SLC25A36: variants seen among roughly 807,000 people sequenced by gnomAD.
The protein encoded by SLC25A36 is solute carrier family 25 member 36, also known as epididymis secretory sperm binding protein.
In SLC25A36, 24 loss-of-function variants were observed where a neutral mutation model predicts 35.3. The observed-to-expected ratio is 0.68, with a 90% CI of 0.49 to 0.96. The LOEUF is 0.96. Among genes scored for constraint, SLC25A36 ranks in the 40% least tolerant of loss-of-function variants. The probability of loss-of-function intolerance (pLI) is 0.00; values close to 1 mark genes in which losing one functional copy is unlikely to be tolerated. For missense variants in SLC25A36, 294 were observed against 381.1 expected, an observed-to-expected ratio of 0.77 and a Z score of 1.90; for synonymous variants, 141 against 132.2, an observed-to-expected ratio of 1.07 and a Z score of -0.46.
intron 4 of SLC25A36, chr3:140,966,173 A>G (rs188448964): frequency 6.5e-6 from 1 of 153,552 alleles, no homozygotes; most frequent in East Asian, 1.9e-4. Context: ...TATTAGACTT[A>G]AATTTCATTA....
At chr3:140,946,942 T>G (rs1471045218) in intron 1 of SLC25A36, among the ~76,000 whole-genome samples, 22 of 151,004 alleles carry the variant, frequency 1.5e-4, no homozygotes, top group Non-Finnish European at 1.5e-5. Context: ...ACTAAGGGAG[T>G]GAATATAGAG....
intron 2 of SLC25A36, among the ~76,000 whole-genome samples, chr3:140,958,479 G>A (rs1289004013): frequency 3.3e-5 from 5 of 152,040 alleles, no homozygotes; most frequent in Non-Finnish European, 5.9e-5. Context: ...CCAATGTCAG[G>A]GGCCTCGCCT....
intron 1 of SLC25A36, among the ~76,000 whole-genome samples, chr3:140,950,918 C>CTGTGTGTCTGTGTGTGTG (rs1553726051): frequency 2.9e-5 from 4 of 136,376 alleles, no homozygotes; most frequent in African/African-American, 1.1e-4. Flanking sequence ...GTCTGTGTGT[C>CTGTGTGTCTGTGTGTGTG]TGTGTGTGTG....
At chr3:140,952,006 CCTTT>C (rs771919762) in intron 1 of SLC25A36, among the ~76,000 whole-genome samples, 1 of 148,884 alleles carries the variant, frequency 6.7e-6, no homozygotes, top group South Asian at 2.1e-4. Context: ...GCTGTTTTTT[CCTTT>C]CTTTCTCTCT....
intron 6 of SLC25A36, among the ~76,000 whole-genome samples, chr3:140,975,476 C>T (rs986263882): frequency 6.6e-6 from 1 of 152,044 alleles, no homozygotes; most frequent in Non-Finnish European, 1.5e-5. Context: ...TAAATAGTTA[C>T]AATTGCTGTG....
At chr3:140,970,799 A>G (rs2107812475) in intron 4 of SLC25A36, 128 bp from the exon 5 acceptor site, 1 of 533,608 alleles carries the variant, frequency 1.9e-6, no homozygotes. Context: ...AAAGTGTAAT[A>G]TATACATAAA....
chr3:140,967,867 TGGATCCCTCATGTC>T (rs1934802972), intron 4 of SLC25A36: 1 of 464,798 alleles, frequency 2.2e-6, no homozygotes. Flanking sequence ...AACTTACAAA[TGGATCCCTCATGTC>T]GTCTTAAGTT....
intron 2 of SLC25A36, among the ~76,000 whole-genome samples, chr3:140,957,254 G>C (rs777294535): frequency 3.3e-5 from 5 of 152,154 alleles, no homozygotes; most frequent in Non-Finnish European, 7.4e-5. Context: ...GTTTATACTT[G>C]TAAATAATGG....
intron 6 of SLC25A36, among the ~76,000 whole-genome samples, chr3:140,974,324 C>G (rs1934981622): frequency 6.6e-6 from 1 of 151,970 alleles, no homozygotes; most frequent in South Asian, 2.1e-4. Flanking sequence ...AGATAGTTTA[C>G]ATACATTACT....
intron 1 of SLC25A36, among the ~76,000 whole-genome samples, chr3:140,953,583 ACAG>A (rs1934388824): frequency 6.6e-6 from 1 of 152,202 alleles, no homozygotes; most frequent in African/African-American, 2.4e-5. Flanking sequence ...TCGTTTACAT[ACAG>A]TAAAATCTAC....
rs762396473 is a variant in SLC25A36, at chr3:140,956,511, T to C, written c.42-16T>C. ...TTAAGTAGATAAGCTGTGTTCTTTT[T>C]TTTTTTTTTTTTTAGATGTGGTGGT... On this transcript the variant is annotated splice_polypyrimidine_tract_variant and intron_variant, in intron 1 of 6. Coordinates refer to ENST00000324194, the MANE Select transcript of SLC25A36 (RefSeq NM_001104647.3). 18 of 1,423,352 alleles carry C rather than the reference T, an allele frequency of 1.3e-5. No homozygotes were observed. Among genetic ancestry groups the C allele is most frequent in the Non-Finnish European group, 1.5e-5 (16 of 1,073,778 alleles). The allele number at this position is 1,423,352 out of a possible 1,614,324, so 88.2% of individuals were successfully genotyped here.
intron 1 of SLC25A36, among the ~76,000 whole-genome samples, chr3:140,950,343 A>G (rs1934286453): frequency 6.8e-6 from 1 of 147,594 alleles, no homozygotes; most frequent in African/African-American, 2.5e-5. Context: ...ATTTGTTTTC[A>G]TATGGTCAGC....
At position 140,977,065 on chromosome 3, in the gene SLC25A36, A is replaced by G. The variant is rs1182017277; in HGVS notation, c.*612A>G. 1 of 152,184 alleles carries G rather than the reference A, an allele frequency of 6.6e-6. No homozygotes were observed. The highest frequency in any genetic ancestry group is 1.9e-4 in the East Asian group (1 of 5,200). The allele number at this position is 152,184 out of a possible 1,614,324, so 9.4% of individuals were successfully genotyped here. ...TGACAGGTGCTTGTTGTTTAGCCTA[A>G]TGTGGATATTTAAATTGTTAACATA... On this transcript the variant is annotated 3_prime_UTR_variant, in exon 7 of 7. Transcript: ENST00000324194.
In SLC25A36 at chr3:140,976,719, TC is replaced by T. The variant is rs1054386758; in HGVS notation, c.*271del. 8 of 284,922 alleles carry T rather than the reference TC, an allele frequency of 2.8e-5. No individual in the cohort carries two copies. The highest frequency in any genetic ancestry group is 4.6e-5 in the Non-Finnish European group (7 of 153,058). 17.6% of individuals were successfully genotyped at this position (284,922 alleles called of 1,614,324 possible). On this transcript the variant is annotated 3_prime_UTR_variant, in exon 7 of 7. Coordinates refer to ENST00000324194, the MANE Select transcript of SLC25A36 (RefSeq NM_001104647.3). ...CAAAATTGCCATTTTCTCTACCATG[TC>T]CCCCAGACACAGTTGGGTTTTGTTG...
At chr3:140,954,544 G>T (rs777776918) in intron 1 of SLC25A36, among the ~76,000 whole-genome samples, 3 of 152,214 alleles carry the variant, frequency 2.0e-5, no homozygotes, top group East Asian at 1.9e-4. Flanking sequence ...TTGGCTGTTT[G>T]TTGGTCAGTC....
rs947832621 is a variant in SLC25A36 at position 140,980,435 on chromosome 3, G to A, written c.*3982G>A. Among the ~76,000 whole-genome samples the A allele has an allele frequency of 1.3e-5, 2 of 151,512 alleles. No individual in the cohort carries two copies. Among genetic ancestry groups the A allele is most frequent in the East Asian group, 3.9e-4 (2 of 5,174 alleles). ...TGTCCAGTCTTGAGGAAACCAGGAC[G>A]AAATATATTTTGTATTTCAACATTG... On this transcript the variant is annotated 3_prime_UTR_variant, in exon 7 of 7. Transcript: ENST00000324194.
At position 140,977,446 on chromosome 3, in the gene SLC25A36, TTGGGACAGTATA is replaced by T; in HGVS notation, c.*994_*1005del. 6.6e-6 allele frequency: 1 copy of T among 151,240 alleles called. No homozygotes were observed. Among genetic ancestry groups the T allele is most frequent in the Non-Finnish European group, 1.5e-5 (1 of 67,910 alleles). The allele number at this position is 151,240 out of a possible 1,614,324, so 9.4% of individuals were successfully genotyped here. A position where few individuals can be genotyped will look rare whatever the true frequency, so the allele number is the denominator to read the frequency against. On this transcript the variant is annotated 3_prime_UTR_variant, in exon 7 of 7. Coordinates refer to ENST00000324194, the MANE Select transcript of SLC25A36 (RefSeq NM_001104647.3). Reference sequence around the variant, plus strand: ...TTTTGCCATTTTAAGGTGACAATATTTGGGACAGTATAAATATTATAGACAAGGGCCCCCTTG... The same window carrying T: ...TTTTGCCATTTTAAGGTGACAATATTAATATTATAGACAAGGGCCCCCTTG...
intron 3 of SLC25A36, among the ~76,000 whole-genome samples, chr3:140,961,681 C>T (rs1388905009): frequency 2.0e-5 from 3 of 151,572 alleles, no homozygotes; most frequent in Admixed American, 2.0e-4. Flanking sequence ...CAGTGAAACC[C>T]CATCTCTACT....
Position 140,959,542 on chromosome 3 carries a change from T to TAAA in SLC25A36, c.284+15_284+17dup. ...TTTAGTGGGGGTAGCCCCTTCCAGGTAAAAAAAAAAAAAAATTGTTTAAAG... is the reference window on the plus strand; with the variant it reads ...TTTAGTGGGGGTAGCCCCTTCCAGGTAAAAAAAAAAAAAAAAAATTGTTTAAAG... On this transcript the variant is annotated splice_region_variant and intron_variant, in intron 3 of 6. Transcript: ENST00000324194. 55 of 1,217,760 alleles carry TAAA rather than the reference T, an allele frequency of 4.5e-5. No homozygotes were observed. Among genetic ancestry groups the TAAA allele is most frequent in the South Asian group, 1.1e-4 (6 of 53,864 alleles). 75.4% of individuals were successfully genotyped at this position (1,217,760 alleles called of 1,614,324 possible).
Sources: allele counts gnomAD v4.1 joint callset (sites outside exome capture counted in the v4.1 genomes callset), GRCh38; gene constraint gnomAD v4.1.1; transcripts MANE v1.5; gene names NCBI Gene and HGNC (gene_info 2026-07-23, HGNC 2026-07-21).